DPP6: variants seen among roughly 807,000 people sequenced by gnomAD.
The protein encoded by DPP6 is dipeptidyl peptidase like 6, also known as A-type potassium channel modulatory protein DPP6.
Under a neutral mutation model 122.6 loss-of-function variants are expected in DPP6, and 69 were observed. That is an observed-to-expected ratio of 0.56 (90% CI 0.46 to 0.69). The LOEUF is 0.69. Ranked by LOEUF, DPP6 falls within the 30% of genes least tolerant of loss-of-function variation. The pLI is 0.00. For missense variants in DPP6, 928 were observed against 1,116.9 expected (o/e 0.83, Z 2.41); for synonymous variants, 418 against 433.1 (o/e 0.97, Z 0.43).
At chr7:154,228,814 C>T (rs931474821) in intron 1 of DPP6, among the ~76,000 whole-genome samples, 2 of 152,016 alleles carry the variant, frequency 1.3e-5, no homozygotes, top group African/African-American at 4.8e-5. Flanking sequence ...TTAGTCCATC[C>T]CTAAAGAACT....
chr7:154,642,627 C>T (rs1049564403), intron 6 of DPP6, among the ~76,000 whole-genome samples: 1 of 150,172 alleles, frequency 6.7e-6, no homozygotes, highest in African/African-American at 2.5e-5. Context: ...GTGCCCACCT[C>T]ATAGGCTTGT....
chr7:154,237,897 G>T (rs368110631), intron 1 of DPP6, among the ~76,000 whole-genome samples: 3 of 152,150 alleles, frequency 2.0e-5, no homozygotes, highest in African/African-American at 7.2e-5. Context: ...TCCATCTCTG[G>T]GCAGGGAAGC....
chr7:154,110,872 A>T (rs1215071823), intron 1 of DPP6, among the ~76,000 whole-genome samples: 1 of 151,920 alleles, frequency 6.6e-6, no homozygotes, highest in Non-Finnish European at 1.5e-5. Context: ...AAAATACAAG[A>T]GAAAGCAAGA....
intron 8 of DPP6, among the ~76,000 whole-genome samples, chr7:154,765,107 C>T (rs937203732): frequency 6.6e-6 from 1 of 152,178 alleles, no homozygotes; most frequent in South Asian, 2.1e-4. Context: ...TGAGATCATT[C>T]GGCATTCGTC....
At chr7:154,390,038 A>G (rs1814477293) in intron 1 of DPP6, among the ~76,000 whole-genome samples, 2 of 152,226 alleles carry the variant, frequency 1.3e-5, no homozygotes, top group African/African-American at 2.4e-5. Flanking sequence ...CCTCCATGAC[A>G]GCTTTAATTG....
intron 3 of DPP6, among the ~76,000 whole-genome samples, chr7:154,518,036 G>A (rs1333529465): frequency 2.0e-5 from 3 of 152,050 alleles, no homozygotes; most frequent in African/African-American, 4.8e-5. Context: ...AGATTGCTAC[G>A]ATGCCTTTGA....
At chr7:154,413,023 A>G (rs1416265207) in intron 1 of DPP6, among the ~76,000 whole-genome samples, 1 of 152,222 alleles carries the variant, frequency 6.6e-6, no homozygotes, top group Non-Finnish European at 1.5e-5. Context: ...CTGGGAGTTC[A>G]TGAGAAATGC....
chr7:154,218,602 C>A (rs1034858948), intron 1 of DPP6, among the ~76,000 whole-genome samples: 10 of 152,132 alleles, frequency 6.6e-5, no homozygotes, highest in African/African-American at 2.4e-4. Context: ...GCTGGCAGTA[C>A]AGTAAATTTT....
rs1241930902 is a variant in DPP6, at chr7:154,145,770, G to A, written c.243+92707G>A. On this transcript the variant is annotated intron_variant, in intron 1 of 25. Transcript: ENST00000377770. ...GCCTCGAACAATATGGGCCTGAACT[G>A]CAAGGGTCCACCCAATGCATATTGA... Among the ~76,000 whole-genome samples, 21 of 60,956 alleles carry A rather than the reference G, an allele frequency of 3.4e-4. No homozygotes were observed. The South Asian group carries it at 0.014, about 40-fold the overall frequency. The allele number at this position is 60,956 out of a possible 152,430, so 40.0% of individuals were successfully genotyped here.
At chr7:154,650,880 G>A (rs1053334940) in intron 6 of DPP6, among the ~76,000 whole-genome samples, 1 of 152,192 alleles carries the variant, frequency 6.6e-6, no homozygotes, top group Non-Finnish European at 1.5e-5. Flanking sequence ...TTGGAAGGAT[G>A]AGAACTGTCT....
At chr7:154,508,870 G>A (rs1825854045) in intron 3 of DPP6, among the ~76,000 whole-genome samples, 1 of 152,120 alleles carries the variant, frequency 6.6e-6, no homozygotes, top group African/African-American at 2.4e-5. Flanking sequence ...TGGTAATGTG[G>A]CATAAAAATG....
At chr7:154,463,958 C>T (rs1821566072) in intron 2 of DPP6, among the ~76,000 whole-genome samples, 1 of 152,176 alleles carries the variant, frequency 6.6e-6, no homozygotes, top group South Asian at 2.1e-4. Context: ...TTGGCCACCC[C>T]AGCTGCTGTC....
intron 1 of DPP6, among the ~76,000 whole-genome samples, chr7:154,265,690 T>G (rs1436101253): frequency 6.6e-6 from 1 of 152,212 alleles, no homozygotes; most frequent in Non-Finnish European, 1.5e-5. Flanking sequence ...GTCAAAGAAT[T>G]TTCTTGGGTC....
intron 7 of DPP6, among the ~76,000 whole-genome samples, chr7:154,711,509 T>C (rs181694164): frequency 1.0e-3 from 158 of 152,368 alleles, no homozygotes; most frequent in African/African-American, 3.7e-3. Context: ...AAGTGAAAAA[T>C]GAAAGAAATC....
intron 5 of DPP6, among the ~76,000 whole-genome samples, chr7:154,615,958 G>A (rs1834224829): frequency 6.6e-6 from 1 of 152,078 alleles, no homozygotes; most frequent in Non-Finnish European, 1.5e-5. Context: ...CCTATTCCAG[G>A]TACCTCGTAC....
At chr7:154,061,800 C>T (rs1319995261) in intron 1 of DPP6, among the ~76,000 whole-genome samples, 6 of 135,094 alleles carry the variant, frequency 4.4e-5, no homozygotes, top group Non-Finnish European at 8.0e-5. Context: ...CCTCGCGACG[C>T]GGGGACTGAG....
intron 4 of DPP6, among the ~76,000 whole-genome samples, chr7:154,546,448 GT>G (rs1263803578): frequency 6.7e-6 from 1 of 149,376 alleles, no homozygotes; most frequent in African/African-American, 2.5e-5. Flanking sequence ...GCTGTAGACA[GT>G]TCCCGGAAAT....
At chr7:154,788,912 C>T (rs1365074060) in intron 10 of DPP6, among the ~76,000 whole-genome samples, 1 of 152,206 alleles carries the variant, frequency 6.6e-6, no homozygotes, top group Non-Finnish European at 1.5e-5. Context: ...ATTTTCCTGA[C>T]CCAAATTTTT....
intron 1 of DPP6, among the ~76,000 whole-genome samples, chr7:154,260,035 C>T (rs144295622): frequency 1.3e-5 from 2 of 152,218 alleles, no homozygotes; most frequent in African/African-American, 4.8e-5. Flanking sequence ...GAGGTCCTCT[C>T]TAGAGAATTG....
Sources: gnomAD v4.1 joint callset for allele counts (sites outside exome capture counted in the v4.1 genomes callset) on GRCh38, gnomAD v4.1.1 for gene constraint, MANE v1.5 for transcripts, NCBI Gene and HGNC (gene_info 2026-07-23, HGNC 2026-07-21) for gene names.